The following PCDHGB4 variants were observed in gnomAD, a reference collection of about 807,000 sequenced individuals.
PCDHGB4 encodes protocadherin gamma subfamily B, 4.
PCDHGB4 carries 38 observed loss-of-function variants against 60.5 expected under a neutral mutation model. The ratio of observed to expected loss-of-function variants is 0.63; its 90% CI spans 0.48 to 0.82. The LOEUF (loss-of-function observed/expected upper bound fraction) is 0.82. PCDHGB4 is among the 40% of genes least tolerant of loss of function. The probability of loss-of-function intolerance (pLI) is 0.00; values close to 1 mark genes in which losing one functional copy is unlikely to be tolerated. For synonymous variants in PCDHGB4, 456 were observed against 509.7 expected (o/e 0.89, Z 1.42); for missense variants, 1,109 against 1,209.6 (o/e 0.92, Z 1.23).
chr5:141,410,779 T>C, intron 1 of PCDHGB4: 4 of 947,572 alleles, frequency 4.2e-6, no homozygotes, highest in Non-Finnish European at 6.0e-6. Flanking sequence ...TTTCACTATG[T>C]ATTTGGTTCA....
chr5:141,508,979 G>C (rs1317798009), intron 3 of PCDHGB4, among the ~76,000 whole-genome samples: 1 of 152,110 alleles, frequency 6.6e-6, no homozygotes, highest in Admixed American at 6.5e-5. Context: ...GCTGGGGGTG[G>C]GGGCCAGCTG....
chr5:141,479,035 C>A (rs2099486361), intron 1 of PCDHGB4, among the ~76,000 whole-genome samples: 1 of 152,104 alleles, frequency 6.6e-6, no homozygotes, highest in Non-Finnish European at 1.5e-5. Context: ...TTATACAGAT[C>A]GTGTACCTCA....
chr5:141,504,541 C>G (rs1050153403), intron 2 of PCDHGB4, among the ~76,000 whole-genome samples: 2 of 151,728 alleles, frequency 1.3e-5, no homozygotes, highest in Non-Finnish European at 2.9e-5. Context: ...GTCATCATGG[C>G]AAATGTTGGG....
Position 141,491,030 on chromosome 5 carries a change from C to T in PCDHGB4, c.2398-3777C>T. ...GTCACCAAGGTGACAGCCGTGGATG[C>T]TGATGCAGGCCACAATGCGTGGCTC... On this transcript the variant is annotated intron_variant, in intron 1 of 3. Transcript: ENST00000519479. The surrounding 1 kb of genome is among the most constrained non-coding windows in gnomAD (Gnocchi z 6.9). 6.2e-7 allele frequency: 1 copy of T among 1,614,148 alleles called. No individual in the cohort carries two copies. Among genetic ancestry groups the T allele is most frequent in the South Asian group, 1.1e-5 (1 of 91,088 alleles).
In PCDHGB4 at chr5:141,432,330, A is replaced by G. The variant is rs760184218; in HGVS notation, c.2397+42049A>G. 82 of 1,614,134 alleles carry G rather than the reference A, an allele frequency of 5.1e-5. No individual in the cohort carries two copies. The highest frequency in any genetic ancestry group is 6.8e-5 in the Non-Finnish European group (80 of 1,180,048). Reference sequence around the variant, plus strand: ...GCGCTGAGCTCCTTCGACTACGAGCAGTTCCGAGACTTGCAAGTGAAAGTG... The same window carrying G: ...GCGCTGAGCTCCTTCGACTACGAGCGGTTCCGAGACTTGCAAGTGAAAGTG... On this transcript the variant is annotated intron_variant, in intron 1 of 3. Transcript: ENST00000519479. The surrounding 1 kb of genome is among the most constrained non-coding windows in gnomAD (Gnocchi z 6.0).
At position 141,421,932 on chromosome 5, in the gene PCDHGB4, T is replaced by C. The variant is rs747598404; in HGVS notation, c.2397+31651T>C. On this transcript the variant is annotated intron_variant, in intron 1 of 3. Transcript: ENST00000519479. The stretch of plus-strand genomic sequence containing the variant: ...TTCCCATTCGTGTGGTGGTCCTCGA[T>C]GTAAATGATCACATCCCAATGTTTA... 3 of 1,613,588 alleles carry C rather than the reference T, an allele frequency of 1.9e-6. No individual in the cohort carries two copies. The East Asian group carries it at 6.7e-5, about 36-fold the overall frequency.
At chr5:141,404,601 T>G (rs2094545274) in intron 1 of PCDHGB4, 2 of 1,614,056 alleles carry the variant, frequency 1.2e-6, no homozygotes, top group Admixed American at 1.7e-5. Context: ...TCATTGAGAC[T>G]GTTTGTTTTG....
At position 141,388,424 on chromosome 5, in the gene PCDHGB4, G is replaced by T; in HGVS notation, c.540G>T (p.Leu180=). 1.2e-6 allele frequency: 2 copies of T among 1,613,812 alleles called. No homozygotes were observed. Among genetic ancestry groups the T allele is most frequent in the Non-Finnish European group, 1.7e-6 (2 of 1,179,820 alleles). ...YQLSPSDHFS[L]INKEKSDGSK... ...TCAGTCCCAGTGATCATTTCTCACT[G>T]ATAAATAAAGAGAAATCAGATGGCA... Residue 180 remains leucine (L), a synonymous_variant, in exon 1 of 4, where the codon CTG becomes CTT. Coordinates refer to ENST00000519479, the MANE Select transcript of PCDHGB4 (RefSeq NM_003736.4).
At chr5:141,467,643 C>G (rs2099147861) in intron 1 of PCDHGB4, among the ~76,000 whole-genome samples, 1 of 152,112 alleles carries the variant, frequency 6.6e-6, no homozygotes, top group Non-Finnish European at 1.5e-5. Flanking sequence ...TTATCATGTA[C>G]CAAACTTCTA....
intron 1 of PCDHGB4, chr5:141,415,403 A>C (rs757508926): frequency 4.3e-6 from 7 of 1,614,082 alleles, no homozygotes; most frequent in Non-Finnish European, 4.2e-6. Context: ...TCCGGCTCGC[A>C]CTTTGTGGGC....
In PCDHGB4 at chr5:141,413,208, A is replaced by G. The variant is rs532127106; in HGVS notation, c.2397+22927A>G. The G allele has an allele frequency of 3.5e-5, 57 of 1,612,984 alleles. No individual in the cohort carries two copies. The African/African-American group carries it at 5.2e-4, about 15-fold the overall frequency. On this transcript the variant is annotated intron_variant, in intron 1 of 3. Coordinates refer to ENST00000519479, the MANE Select transcript of PCDHGB4 (RefSeq NM_003736.4). ...CTCAAAGGAATCGCTCAAAGGAATC[A>G]AAGGATTGCAGCGGGCTGGTCCTGC... is the stretch of plus-strand genomic sequence containing the variant.
At position 141,499,689 on chromosome 5, in the gene PCDHGB4, C is replaced by CTT. The variant is rs545067566; in HGVS notation, c.2456+4845_2456+4846dup. 4.8e-3 allele frequency among the ~76,000 whole-genome samples: 577 copies of CTT among 119,808 alleles called. 2 individuals carry two copies. Among genetic ancestry groups the CTT allele is most frequent in the Non-Finnish European group, 6.7e-3 (386 of 57,912 alleles). 78.6% of individuals were successfully genotyped at this position (119,808 alleles called of 152,430 possible). A position where few individuals can be genotyped will look rare whatever the true frequency, so the allele number is the denominator to read the frequency against. On this transcript the variant is annotated intron_variant, in intron 2 of 3. Coordinates refer to ENST00000519479, the MANE Select transcript of PCDHGB4 (RefSeq NM_003736.4). ...GGTCTCCACCATCTTTAACAGATGA[C>CTT]TTTTTTTTTTTTTTTTTTTTTTGGA...
intron 1 of PCDHGB4, among the ~76,000 whole-genome samples, chr5:141,401,758 G>A (rs573644467): frequency 6.6e-6 from 1 of 152,234 alleles, no homozygotes; most frequent in East Asian, 1.9e-4. Flanking sequence ...CCCATTACAT[G>A]GTATAAGTCT....
At chr5:141,391,562 C>T (rs927673920) in intron 1 of PCDHGB4, 2 of 152,064 alleles carry the variant, frequency 1.3e-5, no homozygotes, top group Non-Finnish European at 1.5e-5. Flanking sequence ...TTTCCATATG[C>T]ATAAGAAAAT....
chr5:141,421,102 T>A (rs1420706532), intron 1 of PCDHGB4: 2 of 691,286 alleles, frequency 2.9e-6, no homozygotes, highest in Admixed American at 6.2e-5. Context: ...CACTGGAGAC[T>A]TAGAAGTATT....
In PCDHGB4 at chr5:141,491,276, A is replaced by G; in HGVS notation, c.2398-3531A>G. The G allele has an allele frequency of 6.2e-7, 1 of 1,614,104 alleles. No individual in the cohort carries two copies. On this transcript the variant is annotated intron_variant, in intron 1 of 3. Coordinates refer to ENST00000519479, the MANE Select transcript of PCDHGB4 (RefSeq NM_003736.4). The surrounding 1 kb of genome is among the most constrained non-coding windows in gnomAD (Gnocchi z 6.9). ...CCTGAGGAAATGCCCAAATCCAGTG[A>G]CTTCCTCATACACCCTCCTGAGCGT...
At chr5:141,440,868 T>A (rs1288344051) in intron 1 of PCDHGB4, 1 of 152,150 alleles carries the variant, frequency 6.6e-6, no homozygotes, top group East Asian at 1.9e-4. Flanking sequence ...ATCTAGGATG[T>A]GTACAGCGTC....
At position 141,389,178 on chromosome 5, in the gene PCDHGB4, T is replaced by G. The variant is rs1280956707; in HGVS notation, c.1294T>G (p.Ser432Ala). 2 of 1,613,974 alleles carry G rather than the reference T, an allele frequency of 1.2e-6. No individual in the cohort carries two copies. The highest frequency in any genetic ancestry group is 1.7e-6 in the Non-Finnish European group (2 of 1,179,890). ...ATDRGKPPLSSSSSITLHIGD... is the reference protein window; with the variant it reads ...ATDRGKPPLSASSSITLHIGD... ...AGATCGGGGCAAGCCTCCCCTCTCC[T>G]CCAGTTCCAGCATCACCCTGCACAT... Residue 432 changes from serine to alanine, a missense_variant, in exon 1 of 4, where the codon TCC becomes GCC. Physicochemically the swap from Ser to Ala is moderately conservative, Grantham distance 99 (BLOSUM62 1). Coordinates refer to ENST00000519479, the MANE Select transcript of PCDHGB4 (RefSeq NM_003736.4).
intron 2 of PCDHGB4, among the ~76,000 whole-genome samples, chr5:141,498,004 G>C (rs1385457484): frequency 6.6e-6 from 1 of 152,316 alleles, no homozygotes; most frequent in African/African-American, 2.4e-5. Flanking sequence ...GGAGTTTACA[G>C]TGCACTGAAG....
Sources: gnomAD v4.1 joint callset for allele counts (sites outside exome capture counted in the v4.1 genomes callset) on GRCh38, gnomAD v4.1.1 for gene constraint, Gnocchi (gnomAD v3.1) non-coding constraint, MANE v1.5 for transcripts, NCBI Gene and HGNC (gene_info 2026-07-23, HGNC 2026-07-21) for gene names.